Variants in NCALD observed in about 807,000 individuals in gnomAD.
NCALD encodes the protein neurocalcin-delta.
A neutral mutation model predicts 18.6 loss-of-function variants in NCALD; 10 were observed. The observed-to-expected ratio is 0.54, with a 90% confidence interval of 0.33 to 0.91. NCALD has a LOEUF of 0.91. Among genes scored for constraint, NCALD ranks in the 40% least tolerant of loss-of-function variants. The probability of loss-of-function intolerance (pLI) is 0.03; values close to 1 mark genes in which losing one functional copy is unlikely to be tolerated. For missense variants in NCALD, 184 were observed against 247.6 expected, an observed-to-expected ratio of 0.74 and a Z score of 1.72; for synonymous variants, 88 against 87.4, an observed-to-expected ratio of 1.01 and a Z score of -0.04.
At chr8:101,754,541 C>A (rs1450741286) in intron 1 of NCALD, among the ~76,000 whole-genome samples, 1 of 152,092 alleles carries the variant, frequency 6.6e-6, no homozygotes, top group Non-Finnish European at 1.5e-5. Flanking sequence ...GGGCAGTGGT[C>A]TCTCTGGGGC....
intron 1 of NCALD, among the ~76,000 whole-genome samples, chr8:102,119,708 A>G (rs1020350589): frequency 6.6e-6 from 1 of 152,180 alleles, no homozygotes; most frequent in African/African-American, 2.4e-5. Flanking sequence ...AAGGGAACTT[A>G]CCTCCTGCAC....
chr8:102,006,720 G>C (rs1440000634), intron 2 of NCALD, among the ~76,000 whole-genome samples: 1 of 152,200 alleles, frequency 6.6e-6, no homozygotes, highest in African/African-American at 2.4e-5. Context: ...CCGCTGGGTG[G>C]CTCCAACTCC....
intron 1 of NCALD, among the ~76,000 whole-genome samples, chr8:102,053,990 C>CTT (rs1032211963): frequency 9.9e-5 from 15 of 152,046 alleles, no homozygotes; most frequent in African/African-American, 3.6e-4. Flanking sequence ...ATATGTGATT[C>CTT]TTACACAGTT....
intron 1 of NCALD, among the ~76,000 whole-genome samples, chr8:101,732,421 C>T (rs1816875242): frequency 6.6e-6 from 1 of 152,032 alleles, no homozygotes; most frequent in Non-Finnish European, 1.5e-5. Flanking sequence ...CCTCCATAGA[C>T]TCTAAGAATA....
At position 101,721,798 on chromosome 8, in the gene NCALD, C is replaced by T. The variant is rs570296699; in HGVS notation, c.-19-2150G>A. On this transcript the variant is annotated intron_variant, in intron 1 of 3. Transcript: ENST00000220931. Reference sequence around the variant, plus strand: ...AGTGATGGGAGTATGGGGCACTTCACCTATGAGTATGGCCAACTGCTGTAG... The same window carrying T: ...AGTGATGGGAGTATGGGGCACTTCATCTATGAGTATGGCCAACTGCTGTAG... 4.0e-5 allele frequency among the ~76,000 whole-genome samples: 6 copies of T among 151,884 alleles called. No homozygotes were observed. The East Asian group carries it at 1.2e-3, about 29-fold the overall frequency.
At chr8:101,994,527 G>A (rs1377831361) in intron 2 of NCALD, among the ~76,000 whole-genome samples, 1 of 152,226 alleles carries the variant, frequency 6.6e-6, no homozygotes, top group East Asian at 1.9e-4. Flanking sequence ...CTTCTGTGAA[G>A]CTTCTCCTGT....
At chr8:102,063,472 T>C (rs1035728804) in intron 1 of NCALD, among the ~76,000 whole-genome samples, 9 of 152,180 alleles carry the variant, frequency 5.9e-5, no homozygotes, top group African/African-American at 2.2e-4. Context: ...AATAGGTGCT[T>C]GTGGTATTAA....
At chr8:101,930,827 G>C (rs1199817430) in intron 2 of NCALD, among the ~76,000 whole-genome samples, 1 of 152,148 alleles carries the variant, frequency 6.6e-6, no homozygotes, top group Non-Finnish European at 1.5e-5. Context: ...AAAGTTGTGG[G>C]GGAGTGTGTT....
intron 2 of NCALD, among the ~76,000 whole-genome samples, chr8:101,700,982 G>A (rs1341163279): frequency 2.6e-5 from 4 of 152,164 alleles, no homozygotes; most frequent in African/African-American, 4.8e-5. Context: ...TGACTCTTTC[G>A]TGACACTCAG....
rs374308796 is a variant in NCALD, at chr8:101,734,964, G to A, written c.-19-15316C>T. 5.1e-4 allele frequency among the ~76,000 whole-genome samples: 78 copies of A among 152,260 alleles called. No homozygotes were observed. In the South Asian group the frequency reaches 0.012, roughly 23 times the overall value. ...ATACTGATTTTGGATAAAAGAGGAC[G>A]TAGAACAACTGTTGCAGATTAGAAA... On this transcript the variant is annotated intron_variant, in intron 1 of 3. Transcript: ENST00000220931.
chr8:101,845,417 T>C (rs951276382), intron 4 of NCALD, among the ~76,000 whole-genome samples: 1 of 152,132 alleles, frequency 6.6e-6, no homozygotes, highest in Non-Finnish European at 1.5e-5. Context: ...TCATTATGGG[T>C]TACTTGGGGG....
chr8:102,096,257 C>T (rs1157897330), intron 1 of NCALD, among the ~76,000 whole-genome samples: 1 of 152,184 alleles, frequency 6.6e-6, no homozygotes, highest in Admixed American at 6.5e-5. Context: ...CTTCTAAGGC[C>T]TCTCTCTTGA....
intron 4 of NCALD, among the ~76,000 whole-genome samples, chr8:101,823,859 G>A (rs979336933): frequency 6.6e-6 from 1 of 152,136 alleles, no homozygotes; most frequent in African/African-American, 2.4e-5. Context: ...AACTGAAGAG[G>A]AAAATTCTGG....
intron 3 of NCALD, among the ~76,000 whole-genome samples, chr8:101,893,981 C>G (rs1282923312): frequency 1.4e-4 from 20 of 146,814 alleles, no homozygotes; most frequent in Admixed American, 1.3e-3. Context: ...CAAGGATACC[C>G]AGGAATTGAA....
intron 2 of NCALD, among the ~76,000 whole-genome samples, chr8:101,979,980 T>C (rs766954754): frequency 3.3e-5 from 5 of 151,974 alleles, no homozygotes; most frequent in Non-Finnish European, 7.4e-5. Flanking sequence ...CACAGGAGGA[T>C]AGGGTGGTGG....
chr8:102,061,601 G>C (rs773034990), intron 1 of NCALD, among the ~76,000 whole-genome samples: 1 of 151,866 alleles, frequency 6.6e-6, no homozygotes, highest in Non-Finnish European at 1.5e-5. Flanking sequence ...AATAAGAAAT[G>C]TGAAATTTTG....
intron 2 of NCALD, among the ~76,000 whole-genome samples, chr8:102,020,086 C>T (rs2132097977): frequency 6.6e-6 from 1 of 152,106 alleles, no homozygotes; most frequent in Middle Eastern, 3.4e-3. Context: ...GTCAAGTTGC[C>T]AGTGCCTCAA....
At chr8:101,746,243 C>T (rs1400374779) in intron 1 of NCALD, among the ~76,000 whole-genome samples, 1 of 152,142 alleles carries the variant, frequency 6.6e-6, no homozygotes, top group African/African-American at 2.4e-5. Flanking sequence ...TGAACATAGA[C>T]ATCAAGGTCC....
chr8:101,906,468 C>T (rs1199092202), intron 3 of NCALD, among the ~76,000 whole-genome samples: 1 of 152,160 alleles, frequency 6.6e-6, no homozygotes, highest in East Asian at 1.9e-4. Context: ...CATTGAGGCA[C>T]AGAAACGGCC....
Sources: allele counts gnomAD v4.1 joint callset (sites outside exome capture counted in the v4.1 genomes callset), GRCh38; gene constraint gnomAD v4.1.1; transcripts MANE v1.5; gene names NCBI Gene and HGNC (gene_info 2026-07-23, HGNC 2026-07-21).